Variants in ZPLD1 observed in about 807,000 individuals in gnomAD.
ZPLD1 encodes the protein zona pellucida like domain containing 1.
In ZPLD1, 34 loss-of-function variants were observed where a neutral mutation model predicts 47.2. The ratio of observed to expected loss-of-function variants is 0.72; its 90% CI spans 0.55 to 0.96. The LOEUF is 0.96. ZPLD1 is among the 40% of genes least tolerant of loss of function. The pLI is 0.00. For synonymous variants in ZPLD1, 176 were observed against 186.2 expected, an observed-to-expected ratio of 0.95 and a Z score of 0.45; for missense variants, 512 against 505.8, an observed-to-expected ratio of 1.01 and a Z score of -0.12.
At chr3:102,414,557 C>G (rs1320060766) in intron 7 of ZPLD1, among the ~76,000 whole-genome samples, 2 of 151,638 alleles carry the variant, frequency 1.3e-5, no homozygotes, top group African/African-American at 4.8e-5. Context: ...TAAGGAAATG[C>G]CTTACAAATC....
At chr3:102,431,021 A>G (rs1249945698), upstream of ZPLD1, among the ~76,000 whole-genome samples, 1 of 152,228 alleles carries the variant, frequency 6.6e-6, no homozygotes, top group Non-Finnish European at 1.5e-5. Flanking sequence ...CTGGTGAATT[A>G]TTAAGGGAAA....
At chr3:102,451,587 G>T (rs182145871) in intron 3 of ZPLD1, among the ~76,000 whole-genome samples, 7 of 152,246 alleles carry the variant, frequency 4.6e-5, no homozygotes, top group African/African-American at 1.7e-4. Flanking sequence ...TGTGTCCTGG[G>T]GTGATTTAAA....
chr3:102,401,991 C>T (rs186915000), intron 7 of ZPLD1, among the ~76,000 whole-genome samples: 65 of 152,110 alleles, frequency 4.3e-4, no homozygotes, highest in Admixed American at 2.6e-3. Context: ...ATAATAAATG[C>T]GTTGTAAGTA....
chr3:102,427,297 AAG>A (rs1272644517), intron 8 of ZPLD1, among the ~76,000 whole-genome samples: 6 of 152,284 alleles, frequency 3.9e-5, no homozygotes, highest in African/African-American at 1.4e-4. Flanking sequence ...GTCTGGAAGG[AAG>A]GACAAAATCA....
In ZPLD1 at chr3:102,436,469, A is replaced by C. The variant is rs553525720; in HGVS notation, c.-122-391A>C. ...CTATTAAAAGATACACAAAGTAAAAAGCTAAAGAAAACAGCTGATGATAAA... is the reference window on the plus strand; with the variant it reads ...CTATTAAAAGATACACAAAGTAAAACGCTAAAGAAAACAGCTGATGATAAA... On this transcript the variant is annotated intron_variant, in intron 1 of 11. Transcript: ENST00000466937. Among the ~76,000 whole-genome samples the C allele has an allele frequency of 1.8e-4, 28 of 152,370 alleles. No individual in the cohort carries two copies. In the East Asian group the frequency reaches 5.4e-3, roughly 29 times the overall value.
chr3:102,473,027 A>G (rs1422557313), intron 10 of ZPLD1, among the ~76,000 whole-genome samples: 1 of 152,188 alleles, frequency 6.6e-6, no homozygotes, highest in Non-Finnish European at 1.5e-5. Flanking sequence ...GTGGCAGGCA[A>G]GAGGGCATGT....
At chr3:102,437,905 A>G (rs1346173918) in intron 2 of ZPLD1, among the ~76,000 whole-genome samples, 5 of 152,326 alleles carry the variant, frequency 3.3e-5, no homozygotes, top group East Asian at 1.9e-4. Flanking sequence ...CTTTATCACT[A>G]TGTTTCCTAA....
At chr3:102,430,463 G>A (rs1234205688), upstream of ZPLD1, among the ~76,000 whole-genome samples, 1 of 152,120 alleles carries the variant, frequency 6.6e-6, no homozygotes, top group Non-Finnish European at 1.5e-5. Context: ...TAAGCTCTGT[G>A]TGGGTAAAGC....
At chr3:102,416,447 A>T (rs1378369985) in intron 7 of ZPLD1, among the ~76,000 whole-genome samples, 1 of 151,920 alleles carries the variant, frequency 6.6e-6, no homozygotes, top group Non-Finnish European at 1.5e-5. Context: ...TTAAAATAGT[A>T]GAAGACATGA....
rs146338946 is a variant in ZPLD1 at position 102,471,193 on chromosome 3, C to A, written c.1042+691C>A. On this transcript the variant is annotated intron_variant, in intron 10 of 11. Transcript: ENST00000466937. ...CTCTAGCTCCCTTGCCCTCTAGTTT[C>A]TGGTTGGGCTTGACCAATAGGTGGT... is the stretch of plus-strand genomic sequence containing the variant. Among the ~76,000 whole-genome samples the A allele has an allele frequency of 4.7e-3, 720 of 152,230 alleles. 6 individuals carry two copies. Among genetic ancestry groups the A allele is most frequent in the African/African-American group, 0.016 (654 of 41,516 alleles).
intron 1 of ZPLD1, among the ~76,000 whole-genome samples, chr3:102,436,571 G>T (rs1707094350): frequency 6.6e-6 from 1 of 152,102 alleles, no homozygotes; most frequent in African/African-American, 2.4e-5. Flanking sequence ...CTATCAGAAA[G>T]ACTTAGGGTT....
intron 9 of ZPLD1, among the ~76,000 whole-genome samples, chr3:102,469,364 G>C (rs577231598): frequency 5.9e-5 from 9 of 152,178 alleles, no homozygotes; most frequent in Non-Finnish European, 8.8e-5. Context: ...AATTTAATTA[G>C]ATTATTCTTT....
chr3:102,430,795 C>T (rs531170911), upstream of ZPLD1, among the ~76,000 whole-genome samples: 5 of 152,226 alleles, frequency 3.3e-5, no homozygotes, highest in Admixed American at 1.3e-4. Flanking sequence ...CCTATCATCT[C>T]TATTGAGAAA....
chr3:102,452,687 C>A (rs1012728757), intron 3 of ZPLD1, among the ~76,000 whole-genome samples: 1 of 152,106 alleles, frequency 6.6e-6, no homozygotes, highest in Non-Finnish European at 1.5e-5. Flanking sequence ...CACAAGGAAA[C>A]AGAGGTGAAC....
In ZPLD1 at chr3:102,462,379, G is replaced by A. The variant is rs1707521990; in HGVS notation, c.680+1G>A. 1 of 1,602,728 alleles carries A rather than the reference G, an allele frequency of 6.2e-7. No homozygotes were observed. The highest frequency in any genetic ancestry group is 8.5e-7 in the Non-Finnish European group (1 of 1,173,700). On this transcript the variant is annotated splice_donor_variant, in intron 7 of 11. Coordinates refer to ENST00000466937, the MANE Select transcript of ZPLD1 (RefSeq NM_001329788.2). LOFTEE classifies it high-confidence loss of function. ...TCCAAGCCACTAATTTGGATGGCAG[G>A]TAATTTCAAACTCTTGTCTTTTTTA...
chr3:102,395,737 G>A (rs556185275), intron 7 of ZPLD1, among the ~76,000 whole-genome samples: 1 of 152,278 alleles, frequency 6.6e-6, no homozygotes, highest in Admixed American at 6.5e-5. Context: ...TCTCCAAGGT[G>A]TCATCTATTT....
intron 6 of ZPLD1, among the ~76,000 whole-genome samples, chr3:102,458,891 C>A (rs1707460999): frequency 6.6e-6 from 1 of 151,856 alleles, no homozygotes; most frequent in Non-Finnish European, 1.5e-5. Flanking sequence ...AGATCGAGAC[C>A]ATCCTGGCTA....
intron 6 of ZPLD1, chr3:102,385,462 A>G (rs1008600762): frequency 3.9e-5 from 6 of 152,244 alleles, no homozygotes; most frequent in African/African-American, 1.4e-4. Context: ...GGAGATTTTC[A>G]GGAATTCTAC....
chr3:102,391,471 T>C (rs1450337246), intron 6 of ZPLD1, among the ~76,000 whole-genome samples: 2 of 152,156 alleles, frequency 1.3e-5, no homozygotes, highest in African/African-American at 4.8e-5. Flanking sequence ...AATGATATGA[T>C]GTGATTTCTG....
Sources: gnomAD v4.1 joint callset for allele counts (sites outside exome capture counted in the v4.1 genomes callset) on GRCh38, gnomAD v4.1.1 for gene constraint, MANE v1.5 for transcripts, NCBI Gene and HGNC (gene_info 2026-07-23, HGNC 2026-07-21) for gene names.